PARVA: variants seen among roughly 807,000 people sequenced by gnomAD.
The protein encoded by PARVA is parvin alpha.
Under a neutral mutation model 52.6 loss-of-function variants are expected in PARVA, and 25 were observed. The observed-to-expected ratio is 0.48, with a 90% CI of 0.35 to 0.66. The LOEUF (loss-of-function observed/expected upper bound fraction) is 0.66. Ranked by LOEUF, PARVA falls within the 30% of genes least tolerant of loss-of-function variation. PARVA has a pLI of 0.01. For missense variants in PARVA, 373 were observed against 450.9 expected (o/e 0.83, Z 1.56); for synonymous variants, 185 against 179.1 (o/e 1.03, Z -0.26).
chr11:12,485,202 G>C (rs1265065245), intron 4 of PARVA, among the ~76,000 whole-genome samples: 1 of 152,190 alleles, frequency 6.6e-6, no homozygotes, highest in Non-Finnish European at 1.5e-5. Context: ...GACAACAAAA[G>C]AGTTTCCAGG....
At chr11:12,467,265 A>C (rs1309004742) in intron 1 of PARVA, among the ~76,000 whole-genome samples, 1 of 152,192 alleles carries the variant, frequency 6.6e-6, no homozygotes, top group East Asian at 1.9e-4. Context: ...TTTAGGGGTG[A>C]GGAGCATTGG....
At chr11:12,506,319 T>A (rs1185866520) in intron 6 of PARVA, among the ~76,000 whole-genome samples, 1 of 152,242 alleles carries the variant, frequency 6.6e-6, no homozygotes, top group East Asian at 1.9e-4. Context: ...AATAGCTCTC[T>A]TATCACTAGA....
chr11:12,376,612 C>A, upstream of PARVA: 1 of 291,168 alleles, frequency 3.4e-6, no homozygotes, highest in Non-Finnish European at 5.1e-6. Context: ...GGTGTTCACC[C>A]AGGTTCAATC....
At position 12,518,356 on chromosome 11, in the gene PARVA, T is replaced by C. The variant is rs758684088; in HGVS notation, c.970-89T>C. 5 of 934,040 alleles carry C rather than the reference T, an allele frequency of 5.4e-6. No individual in the cohort carries two copies. The African/African-American group carries it at 8.2e-5, about 15-fold the overall frequency. 57.9% of individuals were successfully genotyped at this position (934,040 alleles called of 1,614,324 possible). ...TTAGTTCAGCCTCTGTCCCTCTGGC[T>C]ACAGTGCTGGGCTCCTTCACTTCCC... On this transcript the variant is annotated intron_variant, in intron 11 of 12. Coordinates refer to ENST00000334956, the MANE Select transcript of PARVA (RefSeq NM_018222.5).
chr11:12,523,346 AG>A (rs1205621566), intron 12 of PARVA, among the ~76,000 whole-genome samples: 2 of 152,178 alleles, frequency 1.3e-5, no homozygotes, highest in Non-Finnish European at 2.9e-5. Context: ...AGCCCCCACC[AG>A]CTGCCAGCCC....
chr11:12,414,004 G>A (rs1227851945), intron 1 of PARVA, among the ~76,000 whole-genome samples: 4 of 152,190 alleles, frequency 2.6e-5, no homozygotes, highest in South Asian at 4.1e-4. Context: ...AGGACCAGAC[G>A]TGTACCCTGC....
At chr11:12,397,519 T>G (rs1939766019) in intron 1 of PARVA, among the ~76,000 whole-genome samples, 1 of 152,226 alleles carries the variant, frequency 6.6e-6, no homozygotes, top group Admixed American at 6.5e-5. Context: ...TTTTACCATA[T>G]TGCTCTCCAA....
intron 1 of PARVA, among the ~76,000 whole-genome samples, chr11:12,402,622 G>A (rs1939845828): frequency 6.6e-6 from 1 of 152,188 alleles, no homozygotes; most frequent in South Asian, 2.1e-4. Flanking sequence ...CATGATGTAA[G>A]TAAGATAATG....
chr11:12,517,712 G>A lies in PARVA; in HGVS notation c.969+1G>A, dbSNP rs1396371843. 1.3e-6 allele frequency: 2 copies of A among 1,588,944 alleles called. No individual in the cohort carries two copies. The highest frequency in any genetic ancestry group is 2.3e-5 in the East Asian group (1 of 44,016). ...GACCCCGGACAGCTTTGAACAGAAG[G>A]TAAGGAGAAGGGACATCAAGGGAGG... On this transcript the variant is annotated splice_donor_variant, in intron 11 of 12. Transcript: ENST00000334956. LOFTEE classifies it high-confidence loss of function.
At chr11:12,376,929 G>A (rs1002947373), upstream of PARVA, among the ~76,000 whole-genome samples, 1 of 152,174 alleles carries the variant, frequency 6.6e-6, no homozygotes, top group Non-Finnish European at 1.5e-5. Context: ...CCACCACCAC[G>A]TGGGATCTTC....
chr11:12,467,058 T>A (rs1254271566), intron 1 of PARVA, among the ~76,000 whole-genome samples: 1 of 152,260 alleles, frequency 6.6e-6, no homozygotes, highest in Non-Finnish European at 1.5e-5. Flanking sequence ...TTTTATAATC[T>A]TCTGCATATC....
intron 1 of PARVA, among the ~76,000 whole-genome samples, chr11:12,433,481 G>T (rs1940343099): frequency 6.6e-6 from 1 of 152,176 alleles, no homozygotes; most frequent in Non-Finnish European, 1.5e-5. Flanking sequence ...TTTGGGTTGT[G>T]TGGAAGGTTT....
At chr11:12,450,200 G>C (rs1940604460) in intron 1 of PARVA, among the ~76,000 whole-genome samples, 1 of 152,170 alleles carries the variant, frequency 6.6e-6, no homozygotes, top group Admixed American at 6.5e-5. Flanking sequence ...AGTACCAGTA[G>C]AATTTTTATT....
intron 7 of PARVA, 49 bp from the exon 8 acceptor site, chr11:12,511,465 T>A (rs369552091): frequency 1.9e-6 from 3 of 1,599,272 alleles, no homozygotes; most frequent in Admixed American, 3.4e-5. Context: ...TGGCCTCTTA[T>A]AAGGGACAAG....
rs183246273 is a variant in PARVA, at chr11:12,466,846, T to C, written c.137-6899T>C. 8.3e-4 allele frequency among the ~76,000 whole-genome samples: 127 copies of C among 152,342 alleles called. 1 individual carries two copies. The highest frequency in any genetic ancestry group is 2.9e-3 in the African/African-American group (120 of 41,566). On this transcript the variant is annotated intron_variant, in intron 1 of 12. Transcript: ENST00000334956. ...TGTTCGTCCTCCAACTTCGTTATTC[T>C]TCCATATTTTGTTGGCTACTCTAGG...
rs564403369 is a variant in PARVA at position 12,433,622 on chromosome 11, G to A, written c.137-40123G>A. On this transcript the variant is annotated intron_variant, in intron 1 of 12. Transcript: ENST00000334956. ...CATTCACAAAGCTTGCAGTTTCACC[G>A]GCAGCCGGCCTAGAATCAGAGAGAA... is the stretch of plus-strand genomic sequence containing the variant. Among the ~76,000 whole-genome samples, 8 of 152,234 alleles carry A rather than the reference G, an allele frequency of 5.3e-5. No homozygotes were observed. The South Asian group carries it at 8.3e-4, about 16-fold the overall frequency.
intron 1 of PARVA, among the ~76,000 whole-genome samples, chr11:12,468,854 G>A (rs929251099): frequency 6.6e-6 from 1 of 152,180 alleles, no homozygotes; most frequent in Non-Finnish European, 1.5e-5. Context: ...TCTTCCTTGG[G>A]CCTTTCTTTA....
chr11:12,527,111 G>C (rs1941713063), intron 12 of PARVA, among the ~76,000 whole-genome samples: 1 of 152,266 alleles, frequency 6.6e-6, no homozygotes, highest in East Asian at 1.9e-4. Flanking sequence ...TGGCCTATTG[G>C]GAATTCTCCA....
intron 1 of PARVA, among the ~76,000 whole-genome samples, chr11:12,410,555 T>G (rs1939979315): frequency 1.3e-5 from 2 of 152,248 alleles, no homozygotes; most frequent in Non-Finnish European, 2.9e-5. Flanking sequence ...GCTTTATCCT[T>G]TTAGGGAAGT....
Sources: allele counts gnomAD v4.1 joint callset (sites outside exome capture counted in the v4.1 genomes callset), GRCh38; gene constraint gnomAD v4.1.1; transcripts MANE v1.5; gene names NCBI Gene and HGNC (gene_info 2026-07-23, HGNC 2026-07-21).